The following SNX29 variants were observed in gnomAD, a reference collection of about 807,000 sequenced individuals.
The protein encoded by SNX29 is sorting nexin 29.
SNX29 carries 78 observed loss-of-function variants against 102.1 expected under a neutral mutation model. The observed-to-expected ratio is 0.76, with a 90% CI of 0.64 to 0.92. The LOEUF is 0.92. Ranked by LOEUF, SNX29 falls within the 40% of genes least tolerant of loss-of-function variation. The pLI, the probability that SNX29 is intolerant of heterozygous loss-of-function variation, is 0.00. For missense variants in SNX29, 1,280 were observed against 1,061.7 expected (o/e 1.21, Z -2.86); for synonymous variants, 580 against 414.5 (o/e 1.40, Z -4.85).
At chr16:12,555,367 G>C (rs892635332) in intron 20 of SNX29, among the ~76,000 whole-genome samples, 2 of 152,022 alleles carry the variant, frequency 1.3e-5, no homozygotes, top group Admixed American at 6.5e-5. Flanking sequence ...TTTCTCCCAT[G>C]AGGCGCTCCC....
intron 11 of SNX29, among the ~76,000 whole-genome samples, chr16:12,109,835 G>C (rs934885391): frequency 3.3e-5 from 5 of 151,936 alleles, no homozygotes; most frequent in Admixed American, 6.6e-5. Flanking sequence ...GGTTCAAGCA[G>C]TTCTCCTGCC....
At chr16:12,362,246 C>T (rs1372717190) in intron 16 of SNX29, among the ~76,000 whole-genome samples, 1 of 152,212 alleles carries the variant, frequency 6.6e-6, no homozygotes, top group Non-Finnish European at 1.5e-5. Flanking sequence ...GGATAGCATC[C>T]TGGGTGGAAA....
chr16:12,266,918 C>T (rs1479588019), intron 14 of SNX29, among the ~76,000 whole-genome samples: 1 of 152,030 alleles, frequency 6.6e-6, no homozygotes. Flanking sequence ...CACCCGCCAC[C>T]ACGCCTGGCT....
In SNX29 at chr16:12,063,366, CTTTTTTTTTTTTT is replaced by C. The variant is rs369015533; in HGVS notation, c.1243+1734_1243+1746del. Among the ~76,000 whole-genome samples the C allele has an allele frequency of 7.2e-5, 4 of 55,336 alleles. 1 individual carries two copies. The highest frequency in any genetic ancestry group is 9.9e-5 in the Non-Finnish European group (3 of 30,392). The allele number at this position is 55,336 out of a possible 152,430, so 36.3% of individuals were successfully genotyped here. ...CCCACCTCTTCTTTTCCTAGTCCAT[CTTTTTTTTTTTTT>C]TTTTTTTTTTTTTGAGGTGGAGTCT... On this transcript the variant is annotated intron_variant, in intron 9 of 20. Coordinates refer to ENST00000566228, the MANE Select transcript of SNX29 (RefSeq NM_032167.5).
rs149537390 is a variant in SNX29 at position 12,333,252 on chromosome 16, C to T, written c.1783-22911C>T. 5.4e-3 allele frequency among the ~76,000 whole-genome samples: 812 copies of T among 151,734 alleles called. 53 individuals are homozygous for T. In the East Asian group the frequency reaches 0.13, roughly 25 times the overall value. ...TCCCAAGTAACTGGGACTACAGGTG[C>T]GTGCCACCATGCCCGGCTAATTTTT... On this transcript the variant is annotated intron_variant, in intron 15 of 20. Transcript: ENST00000566228.
intron 15 of SNX29, among the ~76,000 whole-genome samples, chr16:12,344,249 C>T (rs1490832897): frequency 2.0e-5 from 3 of 152,188 alleles, no homozygotes; most frequent in Non-Finnish European, 2.9e-5. Context: ...CAGACTAATA[C>T]AACCTCACAA....
At chr16:12,211,836 T>C (rs1366679116) in intron 14 of SNX29, among the ~76,000 whole-genome samples, 2 of 152,220 alleles carry the variant, frequency 1.3e-5, no homozygotes, top group African/African-American at 2.4e-5. Context: ...TTATGGAAGA[T>C]AATGTGCTTT....
chr16:12,143,741 G>C (rs2054950290), intron 13 of SNX29, among the ~76,000 whole-genome samples: 1 of 152,218 alleles, frequency 6.6e-6, no homozygotes, highest in Non-Finnish European at 1.5e-5. Context: ...ATTCTCTGCA[G>C]TTAATCTAGC....
chr16:11,993,868 C>T (rs1228863523), intron 1 of SNX29, among the ~76,000 whole-genome samples: 4 of 152,128 alleles, frequency 2.6e-5, no homozygotes, highest in Non-Finnish European at 5.9e-5. Flanking sequence ...TGCCTGTAAT[C>T]CCAACACTTT....
At chr16:12,189,748 A>G (rs1374195924) in intron 13 of SNX29, among the ~76,000 whole-genome samples, 1 of 152,088 alleles carries the variant, frequency 6.6e-6, no homozygotes, top group Admixed American at 6.5e-5. Context: ...CTTATAATGC[A>G]TTACTATCAC....
chr16:12,275,406 G>A (rs1394061103), intron 14 of SNX29, among the ~76,000 whole-genome samples: 4 of 152,176 alleles, frequency 2.6e-5, no homozygotes, highest in East Asian at 1.9e-4. Flanking sequence ...GACCTACTGC[G>A]TTTTCTCCAG....
chr16:12,393,731 G>A (rs2083620474), intron 16 of SNX29, among the ~76,000 whole-genome samples: 1 of 152,228 alleles, frequency 6.6e-6, no homozygotes, highest in Non-Finnish European at 1.5e-5. Context: ...GAGGAGAAGG[G>A]AGCAGTAGCT....
chr16:12,533,215 CT>C (rs2076978870), intron 20 of SNX29, among the ~76,000 whole-genome samples: 1 of 152,252 alleles, frequency 6.6e-6, no homozygotes, highest in Non-Finnish European at 1.5e-5. Context: ...ACAGAGGACA[CT>C]TTGCTGCTGT....
At chr16:12,536,472 C>T (rs1597800140) in intron 20 of SNX29, among the ~76,000 whole-genome samples, 1 of 152,142 alleles carries the variant, frequency 6.6e-6, no homozygotes, top group Non-Finnish European at 1.5e-5. Flanking sequence ...ATGCCGTTTA[C>T]TTTATCAGTG....
intron 15 of SNX29, among the ~76,000 whole-genome samples, chr16:12,338,053 G>C (rs537122919): frequency 6.6e-6 from 1 of 152,186 alleles, no homozygotes; most frequent in African/African-American, 2.4e-5. Context: ...GAGCTATTCA[G>C]TGCATCCTGG....
chr16:12,268,034 C>T (rs1177599114), intron 14 of SNX29, among the ~76,000 whole-genome samples: 1 of 152,176 alleles, frequency 6.6e-6, no homozygotes, highest in Non-Finnish European at 1.5e-5. Context: ...TTCCCGGGAA[C>T]GTTCTCTGCA....
At chr16:12,433,298 G>A (rs747475880) in intron 18 of SNX29, among the ~76,000 whole-genome samples, 2 of 152,028 alleles carry the variant, frequency 1.3e-5, no homozygotes, top group Non-Finnish European at 2.9e-5. Context: ...CCACTGATTG[G>A]AACACCCCAT....
At chr16:12,471,712 A>G (rs769720723) in intron 18 of SNX29, among the ~76,000 whole-genome samples, 3 of 152,260 alleles carry the variant, frequency 2.0e-5, no homozygotes, top group Non-Finnish European at 4.4e-5. Flanking sequence ...TTTTGCTTTT[A>G]AATTCAGGAT....
At chr16:12,167,202 C>T (rs2076036332) in intron 13 of SNX29, among the ~76,000 whole-genome samples, 1 of 152,136 alleles carries the variant, frequency 6.6e-6, no homozygotes, top group African/African-American at 2.4e-5. Flanking sequence ...TTCTTTGTTT[C>T]CCTCATGAGA....
Sources: gnomAD v4.1 joint callset for allele counts (sites outside exome capture counted in the v4.1 genomes callset) on GRCh38, gnomAD v4.1.1 for gene constraint, MANE v1.5 for transcripts, NCBI Gene and HGNC (gene_info 2026-07-23, HGNC 2026-07-21) for gene names.